ARHGAP8: variants seen among roughly 807,000 people sequenced by gnomAD.
The protein encoded by ARHGAP8 is Rho GTPase activating protein 8.
In ARHGAP8, 62 loss-of-function variants were observed where a neutral mutation model predicts 46.1. The ratio of observed to expected loss-of-function variants is 1.34; its 90% CI spans 1.10 to 1.66. ARHGAP8 has a LOEUF of 1.66. Among genes scored for constraint, ARHGAP8 ranks in the 40% most tolerant of loss-of-function variants. ARHGAP8 has a pLI of 0.00. For synonymous variants in ARHGAP8, 375 were observed against 243.1 expected, an observed-to-expected ratio of 1.54 and a Z score of -5.05; for missense variants, 923 against 568.4, an observed-to-expected ratio of 1.62 and a Z score of -6.34.
At chr22:44,755,044 A>G (rs1185582071) in intron 1 of ARHGAP8, among the ~76,000 whole-genome samples, 1 of 152,152 alleles carries the variant, frequency 6.6e-6, no homozygotes, top group African/African-American at 2.4e-5. Flanking sequence ...CCCCACTGCG[A>G]TGGTGGTCAC....
At chr22:44,795,314 A>G (rs916012449) in intron 2 of ARHGAP8, among the ~76,000 whole-genome samples, 2 of 151,946 alleles carry the variant, frequency 1.3e-5, no homozygotes, top group African/African-American at 4.8e-5. Flanking sequence ...CATGTGCCGT[A>G]CTCTGCCCTG....
intron 7 of ARHGAP8, among the ~76,000 whole-genome samples, chr22:44,838,145 T>G (rs1344333929): frequency 1.3e-5 from 2 of 151,638 alleles, no homozygotes; most frequent in African/African-American, 4.9e-5. Flanking sequence ...GGCTAATTTT[T>G]TTTTTTTTTG....
At position 44,822,402 on chromosome 22, in the gene ARHGAP8, A is replaced by T; in HGVS notation, c.418A>T (p.Asn140Tyr). 1 of 1,583,194 alleles carries T rather than the reference A, an allele frequency of 6.3e-7. No homozygotes were observed. The highest frequency in any genetic ancestry group is 8.5e-7 in the Non-Finnish European group (1 of 1,170,222). Residue 140 changes from asparagine to tyrosine, a missense_variant, in exon 6 of 12, where the codon AAC (asparagine) becomes TAC (tyrosine). Asn to Tyr is a moderately radical substitution (Grantham distance 143). Transcript: ENST00000356099. ...GTTTGGGAAGAAAGTCATCTATTTCAACTACCTGAGTGAGCTCCACGAACA... is the reference window on the plus strand; with the variant it reads ...GTTTGGGAAGAAAGTCATCTATTTCTACTACCTGAGTGAGCTCCACGAACA... ...HKFGKKVIYFNYLSELHEHLK... is the reference protein window; with the variant it reads ...HKFGKKVIYFYYLSELHEHLK...
rs115850121 is a variant in ARHGAP8, at chr22:44,860,406, A to G, written c.981+572A>G. 4.4e-3 allele frequency among the ~76,000 whole-genome samples: 667 copies of G among 151,864 alleles called. 2 individuals are homozygous for G. Among genetic ancestry groups the G allele is most frequent in the African/African-American group, 0.015 (637 of 41,302 alleles). ...CTCCCAGCTCCTGGTCACTCCAGCT[A>G]TGCCTCCAGCTCCCCCCTGGCCTTT... On this transcript the variant is annotated intron_variant, in intron 11 of 11. Coordinates refer to ENST00000356099, the MANE Select transcript of ARHGAP8 (RefSeq NM_181335.3).
In ARHGAP8 at chr22:44,786,517, C is replaced by T. The variant is rs763736803; in HGVS notation, c.-11C>T. On this transcript the variant is annotated 5_prime_UTR_variant, in exon 2 of 12. Transcript: ENST00000356099. ...CTGGGTGCAGTGAGGAAGAGGCCCT[C>T]GGTGGTGCCCATGGCTGGCCAGGAT... 4.8e-5 allele frequency: 77 copies of T among 1,613,454 alleles called. No individual in the cohort carries two copies. Among genetic ancestry groups the T allele is most frequent in the Middle Eastern group, 3.3e-4 (2 of 6,068 alleles).
chr22:44,860,898 C>T (rs140073524), intron 11 of ARHGAP8, among the ~76,000 whole-genome samples: 2 of 152,364 alleles, frequency 1.3e-5, no homozygotes, highest in East Asian at 3.9e-4. Flanking sequence ...GTAGGCGTCA[C>T]ATCCCAGAGT....
At chr22:44,835,000 A>C (rs1303183056) in intron 7 of ARHGAP8, among the ~76,000 whole-genome samples, 1 of 152,114 alleles carries the variant, frequency 6.6e-6, no homozygotes, top group African/African-American at 2.4e-5. Context: ...CTTTGAATCT[A>C]AATTGTGTCT....
At chr22:44,812,591 G>A (rs1472380179) in intron 4 of ARHGAP8, among the ~76,000 whole-genome samples, 3 of 151,866 alleles carry the variant, frequency 2.0e-5, no homozygotes, top group Admixed American at 6.6e-5. Context: ...TCTTGACCTC[G>A]TGATCCGCCC....
Position 44,816,884 on chromosome 22 carries a change from C to CTTT in ARHGAP8, c.386+2142_386+2144dup, listed in dbSNP as rs981732386. On this transcript the variant is annotated intron_variant, in intron 5 of 11. Transcript: ENST00000356099. ...TTCTTTCTTTTTTCTTTCTTTCTTT[C>CTTT]TTTTTTTTTTTTTTTTTTGAGACGA... 1.3e-3 allele frequency among the ~76,000 whole-genome samples: 146 copies of CTTT among 115,070 alleles called. 4 individuals carry two copies. In the South Asian group the frequency reaches 0.021, roughly 16 times the overall value. 75.5% of individuals were successfully genotyped at this position (115,070 alleles called of 152,430 possible).
At chr22:44,825,678 C>A in intron 7 of ARHGAP8, 85 bp downstream of exon 7, 2 of 1,454,368 alleles carry the variant, frequency 1.4e-6, no homozygotes, top group Admixed American at 2.3e-5. Flanking sequence ...ATATTTTCCC[C>A]AGACGTTTGT....
chr22:44,762,543 C>CTTTTTTTTT (rs11293128), intron 1 of ARHGAP8, among the ~76,000 whole-genome samples: 1 of 120,344 alleles, frequency 8.3e-6, no homozygotes, highest in Non-Finnish European at 1.7e-5. Flanking sequence ...CTCTCTCTCT[C>CTTTTTTTTT]TTTTTTTTTT....
At chr22:44,781,338 T>A (rs1926833372) in intron 1 of ARHGAP8, among the ~76,000 whole-genome samples, 1 of 152,094 alleles carries the variant, frequency 6.6e-6, no homozygotes, top group Non-Finnish European at 1.5e-5. Flanking sequence ...ATTTCTCCCT[T>A]GGGTTGCTGT....
At chr22:44,769,760 AATTCATTGAGACCGCAGG>A (rs1758977554) in intron 1 of ARHGAP8, among the ~76,000 whole-genome samples, 1 of 152,214 alleles carries the variant, frequency 6.6e-6, no homozygotes, top group African/African-American at 2.4e-5. Flanking sequence ...CAGAAAACCC[AATTCATTGAGACCGCAGG>A]ATTGCGGTAA....
At chr22:44,845,469 C>T (rs1041066282) in intron 8 of ARHGAP8, 127 bp downstream of exon 8, 1 of 1,276,660 alleles carries the variant, frequency 7.8e-7, no homozygotes, top group Non-Finnish European at 1.1e-6. Context: ...GGCTCAAGCA[C>T]AGTGGCTCCA....
At chr22:44,841,298 A>G (rs1931635641) in intron 7 of ARHGAP8, among the ~76,000 whole-genome samples, 1 of 152,198 alleles carries the variant, frequency 6.6e-6, no homozygotes, top group Admixed American at 6.5e-5. Flanking sequence ...TACTGTAACA[A>G]GTCACATAGA....
intron 1 of ARHGAP8, among the ~76,000 whole-genome samples, chr22:44,775,987 C>CA (rs1171045333): frequency 1.3e-5 from 2 of 152,170 alleles, no homozygotes; most frequent in East Asian, 3.9e-4. Flanking sequence ...TGATTCTGGT[C>CA]ACTCATGGAG....
At chr22:44,771,242 A>ATTTTTTTTTTTT (rs368256843) in intron 1 of ARHGAP8, among the ~76,000 whole-genome samples, 1 of 108,302 alleles carries the variant, frequency 9.2e-6, no homozygotes, top group Non-Finnish European at 1.8e-5. Context: ...TTGCAAGTAA[A>ATTTTTTTTTTTT]TTTTTTTTTT....
chr22:44,790,510 T>C (rs953814767), intron 2 of ARHGAP8, among the ~76,000 whole-genome samples: 40 of 151,734 alleles, frequency 2.6e-4, no homozygotes, highest in African/African-American at 8.5e-4. Flanking sequence ...ACCCCGTCTC[T>C]ACTAAAAATA....
chr22:44,764,342 C>T (rs1020920728), intron 1 of ARHGAP8, among the ~76,000 whole-genome samples: 7 of 152,134 alleles, frequency 4.6e-5, no homozygotes, highest in African/African-American at 9.7e-5. Flanking sequence ...TCAAGACAAC[C>T]GATGAGGAAG....
Sources: allele counts gnomAD v4.1 joint callset (sites outside exome capture counted in the v4.1 genomes callset), GRCh38; gene constraint gnomAD v4.1.1; transcripts MANE v1.5; gene names NCBI Gene and HGNC (gene_info 2026-07-23, HGNC 2026-07-21).